The following CUX2 variants were observed in gnomAD, a reference collection of about 807,000 sequenced individuals.
CUX2 encodes cut like homeobox 2.
CUX2 carries 40 observed loss-of-function variants against 144.8 expected under a neutral mutation model. The ratio of observed to expected loss-of-function variants is 0.28; its 90% confidence interval spans 0.21 to 0.36. The LOEUF (loss-of-function observed/expected upper bound fraction) is 0.36. Among genes scored for constraint, CUX2 ranks in the 10% least tolerant of loss-of-function variants. The probability of loss-of-function intolerance (pLI) is 1.00; values close to 1 mark genes in which losing one functional copy is unlikely to be tolerated. For synonymous variants in CUX2, 827 were observed against 875.6 expected, an observed-to-expected ratio of 0.94 and a Z score of 0.98; for missense variants, 1,615 against 1,994.0, an observed-to-expected ratio of 0.81 and a Z score of 3.62.
rs190770676 is a variant in CUX2, at chr12:111,178,676, C to T, written c.64-35524C>T. 8.1e-4 allele frequency among the ~76,000 whole-genome samples: 124 copies of T among 152,236 alleles called. No homozygotes were observed. The highest frequency in any genetic ancestry group is 2.9e-3 in the African/African-American group (119 of 41,526). ...TATGTGCCTGGCATCATGCCAGGGG[C>T]TGGGTACACAGGTGAACAAGACCGA... is the stretch of plus-strand genomic sequence containing the variant. On this transcript the variant is annotated intron_variant, in intron 1 of 21. Coordinates refer to ENST00000261726, the MANE Select transcript of CUX2 (RefSeq NM_015267.4). The surrounding 1 kb of genome is among the most constrained non-coding windows in gnomAD (Gnocchi z 5.7).
chr12:111,342,802 T>C (rs899923535), intron 21 of CUX2, among the ~76,000 whole-genome samples: 5 of 151,740 alleles, frequency 3.3e-5, no homozygotes, highest in African/African-American at 1.2e-4. Flanking sequence ...CTTTGAAACA[T>C]ACAAAAATTA....
At chr12:111,161,458 T>C (rs763105377) in intron 1 of CUX2, among the ~76,000 whole-genome samples, 1 of 152,214 alleles carries the variant, frequency 6.6e-6, no homozygotes, top group Non-Finnish European at 1.5e-5. Flanking sequence ...AAACACTCTC[T>C]TGCATGCCTT....
chr12:111,180,243 C>A (rs1162916110), intron 1 of CUX2, among the ~76,000 whole-genome samples: 2 of 152,176 alleles, frequency 1.3e-5, no homozygotes, highest in Non-Finnish European at 1.5e-5. Context: ...TCTACAGTCT[C>A]ATTCATTCCC....
At chr12:111,273,882 C>T (rs1884738201) in intron 4 of CUX2, among the ~76,000 whole-genome samples, 1 of 152,172 alleles carries the variant, frequency 6.6e-6, no homozygotes, top group Admixed American at 6.5e-5. Flanking sequence ...CAACAGAGAA[C>T]ACTAAACATG....
At chr12:111,306,881 C>T in intron 10 of CUX2, 40 bp from the exon 11 acceptor site, 2 of 1,522,838 alleles carry the variant, frequency 1.3e-6, no homozygotes, top group Non-Finnish European at 1.8e-6. Flanking sequence ...GGACCCCCAT[C>T]CCTCACCTCT....
chr12:111,250,276 C>T (rs1023743958), intron 3 of CUX2, among the ~76,000 whole-genome samples: 1 of 152,092 alleles, frequency 6.6e-6, no homozygotes, highest in Non-Finnish European at 1.5e-5. Context: ...GGGTGTCACA[C>T]AGATTCCAGC....
intron 8 of CUX2, among the ~76,000 whole-genome samples, chr12:111,296,851 C>T (rs1886027526): frequency 9.4e-6 from 1 of 106,686 alleles, no homozygotes; most frequent in African/African-American, 3.8e-5. Context: ...CTTGCCTCCA[C>T]CCTCTGGCCA....
chr12:111,048,426 C>A lies in CUX2; in HGVS notation c.63+14186C>A, dbSNP rs192267174. 2.0e-5 allele frequency among the ~76,000 whole-genome samples: 3 copies of A among 152,316 alleles called. No homozygotes were observed. In the East Asian group the frequency reaches 5.8e-4, roughly 29 times the overall value. On this transcript the variant is annotated intron_variant, in intron 1 of 21. Transcript: ENST00000261726. ...GTGGAGAGATTGCCATGGGAACATGCCTGGTACCCCCAGCAAGGTGGGAGC... is the reference window on the plus strand; with the variant it reads ...GTGGAGAGATTGCCATGGGAACATGACTGGTACCCCCAGCAAGGTGGGAGC...
intron 8 of CUX2, among the ~76,000 whole-genome samples, chr12:111,298,100 C>A (rs1208401109): frequency 6.6e-6 from 1 of 152,226 alleles, no homozygotes; most frequent in Non-Finnish European, 1.5e-5. Context: ...CTCCCACCCC[C>A]TGCTAACAGA....
At chr12:111,225,359 T>C (rs74951191) in intron 3 of CUX2, among the ~76,000 whole-genome samples, 337 of 152,292 alleles carry the variant, frequency 2.2e-3, no homozygotes, top group African/African-American at 7.8e-3. Flanking sequence ...TGACTGAGGC[T>C]CAGCCCGCAG....
intron 1 of CUX2, among the ~76,000 whole-genome samples, chr12:111,111,456 G>T (rs1424851384): frequency 6.6e-6 from 1 of 152,010 alleles, no homozygotes; most frequent in African/African-American, 2.4e-5. Context: ...AACAAGGTTG[G>T]GTCTCCCCGA....
intron 4 of CUX2, among the ~76,000 whole-genome samples, chr12:111,276,938 C>T (rs1396549908): frequency 6.6e-6 from 1 of 152,228 alleles, no homozygotes; most frequent in Non-Finnish European, 1.5e-5. Flanking sequence ...TGAGCCACCG[C>T]ACCCGGCCAG....
rs1028705900 is a variant in CUX2, at chr12:111,322,634, A to G, written c.2926+54A>G. The G allele has an allele frequency of 1.4e-5, 22 of 1,580,206 alleles. No individual in the cohort carries two copies. The highest frequency in any genetic ancestry group is 1.7e-5 in the Non-Finnish European group (20 of 1,171,092). ...GTGCTGGCAAACTTCCCACCTGCGC[A>G]GTGGCATGTCCGCCTGGCTTTACTG... On this transcript the variant is annotated intron_variant, in intron 18 of 21. Coordinates refer to ENST00000261726, the MANE Select transcript of CUX2 (RefSeq NM_015267.4). This position sits in a 1 kb window ranked among gnomAD's most constrained non-coding sequence, Gnocchi z 4.2.
At chr12:111,185,461 G>T (rs1049110893) in intron 1 of CUX2, among the ~76,000 whole-genome samples, 1 of 152,222 alleles carries the variant, frequency 6.6e-6, no homozygotes, top group African/African-American at 2.4e-5. Flanking sequence ...GCAGGGACAG[G>T]TGTCGGCGTA....
Position 111,034,632 on chromosome 12 carries a change from C to G in CUX2, c.63+392C>G, listed in dbSNP as rs1869326921. Among the ~76,000 whole-genome samples the G allele has an allele frequency of 6.6e-6, 1 of 151,278 alleles. No individual in the cohort carries two copies. Among genetic ancestry groups the G allele is most frequent in the Admixed American group, 6.6e-5 (1 of 15,228 alleles). ...GCGCGCCTCCCAACTTCGCGGCGCC[C>G]GGGGAGGCCGCGGAGCGCGCCGCTT... is the stretch of plus-strand genomic sequence containing the variant. On this transcript the variant is annotated intron_variant, in intron 1 of 21. Coordinates refer to ENST00000261726, the MANE Select transcript of CUX2 (RefSeq NM_015267.4). This position sits in a 1 kb window ranked among gnomAD's most constrained non-coding sequence, Gnocchi z 4.2.
At position 111,312,065 on chromosome 12, in the gene CUX2, C is replaced by A. The variant is rs777066834; in HGVS notation, c.1901-35C>A. 1.9e-6 allele frequency: 3 copies of A among 1,581,096 alleles called. No individual in the cohort carries two copies. The East Asian group carries it at 6.8e-5, about 36-fold the overall frequency. Reference sequence around the variant, plus strand: ...GGCTCCGGAGACTGAGCCCAACATGCAGATCCTGCCACAGATGCCTTCTTG... The same window carrying A: ...GGCTCCGGAGACTGAGCCCAACATGAAGATCCTGCCACAGATGCCTTCTTG... On this transcript the variant is annotated intron_variant, in intron 15 of 21. Coordinates refer to ENST00000261726, the MANE Select transcript of CUX2 (RefSeq NM_015267.4). The surrounding 1 kb of genome is among the most constrained non-coding windows in gnomAD (Gnocchi z 4.3).
At chr12:111,343,558 G>C (rs1030480584) in intron 21 of CUX2, among the ~76,000 whole-genome samples, 1 of 152,144 alleles carries the variant, frequency 6.6e-6, no homozygotes, top group Admixed American at 6.5e-5. Context: ...AGAGGAGATT[G>C]GTGGGAGGAG....
chr12:111,294,260 A>G (rs2136336415), intron 6 of CUX2, among the ~76,000 whole-genome samples: 1 of 152,166 alleles, frequency 6.6e-6, no homozygotes, highest in African/African-American at 2.4e-5. Context: ...GGTGTGCACT[A>G]CCACACCTGG....
At chr12:111,325,710 G>GT (rs71083174) in intron 18 of CUX2, among the ~76,000 whole-genome samples, 2 of 19,654 alleles carry the variant, frequency 1.0e-4, no homozygotes, top group African/African-American at 4.1e-4. Flanking sequence ...GGAGGGGTGG[G>GT]TTTGTTTATA....
Sources: allele counts gnomAD v4.1 joint callset (sites outside exome capture counted in the v4.1 genomes callset), GRCh38; gene constraint gnomAD v4.1.1; non-coding constraint Gnocchi (gnomAD v3.1); transcripts MANE v1.5; gene names NCBI Gene and HGNC (gene_info 2026-07-23, HGNC 2026-07-21).